Variants in PIEZO2 observed in about 807,000 individuals in gnomAD.
PIEZO2 encodes piezo type mechanosensitive ion channel component 2.
In PIEZO2, 172 loss-of-function variants were observed where a neutral mutation model predicts 337.3. The ratio of observed to expected loss-of-function variants is 0.51; its 90% CI spans 0.45 to 0.58. The LOEUF is 0.58. Ranked by LOEUF, PIEZO2 falls within the 20% of genes least tolerant of loss-of-function variation. The pLI, the probability that PIEZO2 is intolerant of heterozygous loss-of-function variation, is 0.00. For missense variants in PIEZO2, 3,028 were observed against 3,391.3 expected (o/e 0.89, Z 2.66); for synonymous variants, 1,251 against 1,228.5 (o/e 1.02, Z -0.38).
chr18:10,690,421 G>T (rs552080268), intron 48 of PIEZO2, among the ~76,000 whole-genome samples: 30 of 152,272 alleles, frequency 2.0e-4, no homozygotes, highest in African/African-American at 7.2e-4. Flanking sequence ...GAGAATCTGG[G>T]TTCTCCCAGG....
chr18:10,707,097 T>C lies in PIEZO2; in HGVS notation c.5588+1178A>G, dbSNP rs1188251333. ...GCTGTGTCCTTGAGTGCGCACATCA[T>C]GTACGGGCTGGTGAAATGCCAGCCC... On this transcript the variant is annotated intron_variant, in intron 40 of 55. Coordinates refer to ENST00000674853, the MANE Select transcript of PIEZO2 (RefSeq NM_001378183.1). The surrounding 1 kb of genome is among the most constrained non-coding windows in gnomAD (Gnocchi z 4.2). Among the ~76,000 whole-genome samples the C allele has an allele frequency of 1.3e-5, 2 of 152,192 alleles. No individual in the cohort carries two copies. Among genetic ancestry groups the C allele is most frequent in the Non-Finnish European group, 2.9e-5 (2 of 68,034 alleles).
rs562825519 is a variant in PIEZO2, at chr18:10,914,673, T to C, written c.287-3445A>G. Among the ~76,000 whole-genome samples the C allele has an allele frequency of 3.3e-5, 5 of 152,312 alleles. No individual in the cohort carries two copies. The South Asian group carries it at 1.0e-3, about 32-fold the overall frequency. On this transcript the variant is annotated intron_variant, in intron 3 of 55. Transcript: ENST00000674853. ...CATGGATACGGAGGGCCAACTGTAA[T>C]TCATAGAAGGGATTTTTTCCTTTCA...
intron 1 of PIEZO2, among the ~76,000 whole-genome samples, chr18:11,103,826 CGTGT>C (rs760408388): frequency 6.7e-6 from 1 of 149,402 alleles, no homozygotes; most frequent in African/African-American, 2.5e-5. Flanking sequence ...TGCGTGTGTG[CGTGT>C]GTGTGTGTGA....
intron 4 of PIEZO2, among the ~76,000 whole-genome samples, chr18:10,873,888 A>C (rs879534827): frequency 2.0e-5 from 3 of 152,192 alleles, no homozygotes; most frequent in Non-Finnish European, 4.4e-5. Context: ...CTGTGGAAAC[A>C]TTTCAGAACA....
chr18:11,148,905 T>G lies in PIEZO2; in HGVS notation c.-317A>C. On this transcript the variant is annotated 5_prime_UTR_variant, in exon 1 of 56. Transcript: ENST00000674853. This position sits in a 1 kb window ranked among gnomAD's most constrained non-coding sequence, Gnocchi z 5.2. Reference sequence around the variant, plus strand: ...GCAGCGGCGGCGGCTTCTTCAGGGGTAGCTGATGCCGGGGCCTTGGAGAGG... The same window carrying G: ...GCAGCGGCGGCGGCTTCTTCAGGGGGAGCTGATGCCGGGGCCTTGGAGAGG... 6.2e-6 allele frequency: 2 copies of G among 324,948 alleles called. No individual in the cohort carries two copies. Among genetic ancestry groups the G allele is most frequent in the Non-Finnish European group, 5.5e-6 (1 of 181,486 alleles). The allele number at this position is 324,948 out of a possible 1,614,324, so 20.1% of individuals were successfully genotyped here.
Position 11,112,409 on chromosome 18 carries a change from C to T in PIEZO2, c.64+36116G>A, listed in dbSNP as rs1223801156. 3.9e-5 allele frequency among the ~76,000 whole-genome samples: 6 copies of T among 152,148 alleles called. No homozygotes were observed. Among genetic ancestry groups the T allele is most frequent in the Admixed American group, 3.9e-4 (6 of 15,264 alleles). On this transcript the variant is annotated intron_variant, in intron 1 of 55. Transcript: ENST00000674853. This position sits in a 1 kb window ranked among gnomAD's most constrained non-coding sequence, Gnocchi z 4.3. ...CCCTTCAACGCTTTAATTAAAGAGG[C>T]CTACAACATCAGAATCTAAGTGTCA...
At chr18:10,927,996 C>G (rs1002425033) in intron 3 of PIEZO2, among the ~76,000 whole-genome samples, 5 of 152,126 alleles carry the variant, frequency 3.3e-5, no homozygotes, top group Admixed American at 6.5e-5. Context: ...AAGGAAGATT[C>G]AAAATTTCAC....
chr18:11,010,722 A>C (rs140545773), intron 2 of PIEZO2, among the ~76,000 whole-genome samples: 2 of 152,222 alleles, frequency 1.3e-5, no homozygotes, highest in Admixed American at 6.5e-5. Context: ...GTCATTAAAT[A>C]ATAAAAGAAT....
chr18:11,026,508 C>A (rs770780511), intron 2 of PIEZO2, among the ~76,000 whole-genome samples: 1 of 152,178 alleles, frequency 6.6e-6, no homozygotes, highest in Non-Finnish European at 1.5e-5. Context: ...CCTTGTCTTA[C>A]ACTTTCTAGG....
chr18:10,975,295 G>A (rs1196757598), intron 3 of PIEZO2, among the ~76,000 whole-genome samples: 2 of 152,102 alleles, frequency 1.3e-5, no homozygotes, highest in Non-Finnish European at 2.9e-5. Flanking sequence ...AACAAACTAC[G>A]TCTATGTAAT....
At chr18:11,121,524 C>A (rs1568391300) in intron 1 of PIEZO2, among the ~76,000 whole-genome samples, 1 of 152,076 alleles carries the variant, frequency 6.6e-6, no homozygotes, top group Non-Finnish European at 1.5e-5. Flanking sequence ...TATGATTGCA[C>A]CTCTGCACTC....
chr18:10,689,473 G>A (rs1193774978), intron 49 of PIEZO2, among the ~76,000 whole-genome samples, 182 bp downstream of exon 49: 1 of 108,840 alleles, frequency 9.2e-6, no homozygotes, highest in Non-Finnish European at 1.9e-5. Context: ...TGCTATTGAC[G>A]ACTATGACGG....
At chr18:10,967,368 G>A (rs983615289) in intron 3 of PIEZO2, among the ~76,000 whole-genome samples, 1 of 152,096 alleles carries the variant, frequency 6.6e-6, no homozygotes, top group Admixed American at 6.5e-5. Flanking sequence ...ATTTGGGCTG[G>A]TTCCATATTT....
intron 4 of PIEZO2, among the ~76,000 whole-genome samples, chr18:10,906,863 A>G (rs897022792): frequency 6.6e-6 from 1 of 151,994 alleles, no homozygotes; most frequent in African/African-American, 2.4e-5. Context: ...GCCCGGCCCA[A>G]GAACTTTCTT....
At chr18:10,840,502 T>G (rs902195662) in intron 7 of PIEZO2, among the ~76,000 whole-genome samples, 1 of 152,168 alleles carries the variant, frequency 6.6e-6, no homozygotes, top group Non-Finnish European at 1.5e-5. Flanking sequence ...ATATCAACAT[T>G]AATGTTAAGT....
At position 10,940,820 on chromosome 18, in the gene PIEZO2, C is replaced by A. The variant is rs535877549; in HGVS notation, c.287-29592G>T. Among the ~76,000 whole-genome samples, 8 of 152,130 alleles carry A rather than the reference C, an allele frequency of 5.3e-5. No individual in the cohort carries two copies. In the East Asian group the frequency reaches 1.5e-3, roughly 29 times the overall value. On this transcript the variant is annotated intron_variant, in intron 3 of 55. Coordinates refer to ENST00000674853, the MANE Select transcript of PIEZO2 (RefSeq NM_001378183.1). This position sits in a 1 kb window ranked among gnomAD's most constrained non-coding sequence, Gnocchi z 5.3. ...GAGGTTGCAGTGAGCTGAGATCATGCCATTGCACTCCAGCCTGGCTACAGA... is the reference window on the plus strand; with the variant it reads ...GAGGTTGCAGTGAGCTGAGATCATGACATTGCACTCCAGCCTGGCTACAGA...
chr18:10,743,433 C>T (rs552779619), intron 31 of PIEZO2, among the ~76,000 whole-genome samples: 8 of 152,286 alleles, frequency 5.3e-5, no homozygotes, highest in South Asian at 2.1e-4. Flanking sequence ...TCCATCATTG[C>T]TGGAAATTTC....
rs1336654223 is a variant in PIEZO2 at position 10,969,954 on chromosome 18, T to C, written c.286+9581A>G. Among the ~76,000 whole-genome samples the C allele has an allele frequency of 1.3e-5, 2 of 152,204 alleles. No homozygotes were observed. Among genetic ancestry groups the C allele is most frequent in the Non-Finnish European group, 2.9e-5 (2 of 68,042 alleles). ...ATTCATTTATTCATTCTTCAATTGT[T>C]GGGCAGTATGCTATACATCAGCCAC... On this transcript the variant is annotated intron_variant, in intron 3 of 55. Transcript: ENST00000674853. The surrounding 1 kb of genome is among the most constrained non-coding windows in gnomAD (Gnocchi z 4.5).
intron 48 of PIEZO2, 22 bp from the exon 49 acceptor site, chr18:10,689,824 C>G (rs1258777104): frequency 6.3e-7 from 1 of 1,588,132 alleles, no homozygotes; most frequent in African/African-American, 1.3e-5. Context: ...CACATCTCGT[C>G]AGAGAGACAT....
Sources: allele counts gnomAD v4.1 joint callset (sites outside exome capture counted in the v4.1 genomes callset), GRCh38; gene constraint gnomAD v4.1.1; non-coding constraint Gnocchi (gnomAD v3.1); transcripts MANE v1.5; gene names NCBI Gene and HGNC (gene_info 2026-07-23, HGNC 2026-07-21).